The following UTRN variants were observed in gnomAD, a reference collection of about 807,000 sequenced individuals.
The protein encoded by UTRN is utrophin.
In UTRN, 283 loss-of-function variants were observed where a neutral mutation model predicts 463.9. The observed-to-expected ratio is 0.61, with a 90% CI of 0.55 to 0.67. UTRN has a LOEUF of 0.67. Ranked by LOEUF, UTRN falls within the 30% of genes least tolerant of loss-of-function variation. UTRN has a pLI of 0.00. For synonymous variants in UTRN, 1,442 were observed against 1,431.5 expected, an observed-to-expected ratio of 1.01 and a Z score of -0.17; for missense variants, 3,922 against 4,084.3, an observed-to-expected ratio of 0.96 and a Z score of 1.08.
chr6:144,827,730 T>C, intron 68 of UTRN, 54 bp downstream of exon 68: 1 of 1,557,756 alleles, frequency 6.4e-7, no homozygotes, highest in Non-Finnish European at 8.8e-7. Context: ...AATGTATCTA[T>C]GTCTAATTAA....
chr6:144,487,525 T>A (rs756605844), intron 28 of UTRN, 23 bp from the exon 29 acceptor site: 59 of 1,572,144 alleles, frequency 3.8e-5, no homozygotes, highest in Middle Eastern at 1.7e-4. Context: ...CATTATTATT[T>A]TTTTTTCCCA....
chr6:144,646,457 A>G (rs985159954), intron 51 of UTRN, among the ~76,000 whole-genome samples: 3 of 152,208 alleles, frequency 2.0e-5, no homozygotes, highest in Non-Finnish European at 4.4e-5. Context: ...AATTAGAATA[A>G]CAGAACAACA....
At chr6:144,722,044 C>G (rs1453319056) in intron 53 of UTRN, among the ~76,000 whole-genome samples, 2 of 152,150 alleles carry the variant, frequency 1.3e-5, no homozygotes, top group African/African-American at 2.4e-5. Flanking sequence ...AATGGCCAAG[C>G]CTTGAGCCAG....
At position 144,474,583 on chromosome 6, in the gene UTRN, A is replaced by G. The variant is rs372616095; in HGVS notation, c.3181-21A>G. 9.7e-5 allele frequency: 156 copies of G among 1,603,172 alleles called. 1 individual carries two copies. In the African/African-American group the frequency reaches 1.9e-3, roughly 19 times the overall value. The stretch of plus-strand genomic sequence containing the variant: ...CCACTTATATAGTAATGAACTCAAC[A>G]TGCATCTTTTATGTGTTTAGGCATT... On this transcript the variant is annotated intron_variant, in intron 24 of 74. Transcript: ENST00000367545.
chr6:144,757,700 G>T (rs1433302881), intron 57 of UTRN, among the ~76,000 whole-genome samples: 1 of 152,032 alleles, frequency 6.6e-6, no homozygotes. Context: ...TTATCAACAG[G>T]TTAGATTAGT....
At chr6:144,634,137 C>G (rs900655711) in intron 51 of UTRN, among the ~76,000 whole-genome samples, 2 of 152,216 alleles carry the variant, frequency 1.3e-5, no homozygotes, top group Non-Finnish European at 2.9e-5. Context: ...CATGGACAGT[C>G]CAGGCATGGG....
chr6:144,851,087 C>T lies in UTRN; in HGVS notation c.*90C>T, dbSNP rs1782453983. 1.9e-6 allele frequency: 3 copies of T among 1,562,952 alleles called. No homozygotes were observed. Among genetic ancestry groups the T allele is most frequent in the Non-Finnish European group, 1.8e-6 (2 of 1,133,878 alleles). On this transcript the variant is annotated 3_prime_UTR_variant, in exon 75 of 75. Transcript: ENST00000367545. ...TCCAAGTTCCATTAAATCAGAAGCTCCATGGCTCCTTGGCCCACGATGTTG... is the reference window on the plus strand; with the variant it reads ...TCCAAGTTCCATTAAATCAGAAGCTTCATGGCTCCTTGGCCCACGATGTTG...
chr6:144,561,238 TATATATATATATATATATATATACATAC>T (rs1254720802), intron 50 of UTRN, among the ~76,000 whole-genome samples: 19 of 77,210 alleles, frequency 2.5e-4, no homozygotes, highest in African/African-American at 7.0e-4. Context: ...TATATATATA[TATATATATATATATATATATATACATAC>T]ACACACACAC....
At chr6:144,517,098 A>G (rs1024873367) in intron 39 of UTRN, 150 bp downstream of exon 39, 1 of 646,582 alleles carries the variant, frequency 1.5e-6, no homozygotes, top group African/African-American at 1.9e-5. Context: ...ATGTGTTCAT[A>G]TTTTTGGATG....
intron 60 of UTRN, 120 bp from the exon 61 acceptor site, chr6:144,781,802 G>C: frequency 1.5e-6 from 1 of 680,562 alleles, no homozygotes; most frequent in Non-Finnish European, 2.4e-6. Context: ...AAAAAGGATA[G>C]ATTCTTAAAT....
At chr6:144,569,733 A>G (rs1448276876) in intron 50 of UTRN, among the ~76,000 whole-genome samples, 1 of 152,218 alleles carries the variant, frequency 6.6e-6, no homozygotes, top group African/African-American at 2.4e-5. Flanking sequence ...AGGAAGGCAG[A>G]AAAGTGTCCC....
intron 73 of UTRN, among the ~76,000 whole-genome samples, chr6:144,846,238 C>T (rs996521265): frequency 6.6e-6 from 1 of 152,210 alleles, no homozygotes; most frequent in Non-Finnish European, 1.5e-5. Context: ...ATTCTAACTT[C>T]TCCGTTGTTC....
intron 2 of UTRN, chr6:144,344,107 A>C (rs1191141145): frequency 3.5e-5 from 41 of 1,160,028 alleles, no homozygotes; most frequent in Non-Finnish European, 4.3e-5. Context: ...AAAAAAAAAA[A>C]AAACCCAAAA....
At chr6:144,594,077 G>A (rs1422902274) in intron 51 of UTRN, among the ~76,000 whole-genome samples, 3 of 152,084 alleles carry the variant, frequency 2.0e-5, no homozygotes, top group South Asian at 2.1e-4. Context: ...GTTGATGAGG[G>A]AATTACACAA....
intron 65 of UTRN, among the ~76,000 whole-genome samples, chr6:144,812,402 A>G (rs951006814): frequency 6.6e-5 from 10 of 152,124 alleles, no homozygotes; most frequent in Non-Finnish European, 1.0e-4. Flanking sequence ...TCTATACCTT[A>G]TCCTTGCTGC....
chr6:144,732,593 T>C (rs561419128), intron 54 of UTRN, among the ~76,000 whole-genome samples: 2 of 152,260 alleles, frequency 1.3e-5, no homozygotes, highest in East Asian at 1.9e-4. Context: ...TTCTTGACTT[T>C]CCATTGCATA....
intron 18 of UTRN, among the ~76,000 whole-genome samples, chr6:144,453,191 C>T (rs752383179): frequency 2.6e-5 from 4 of 151,972 alleles, no homozygotes; most frequent in East Asian, 1.9e-4. Context: ...GGTGCAATCT[C>T]GGCTCCCTGC....
At chr6:144,636,238 G>T (rs1174709393) in intron 51 of UTRN, among the ~76,000 whole-genome samples, 2 of 152,120 alleles carry the variant, frequency 1.3e-5, no homozygotes, top group Non-Finnish European at 2.9e-5. Context: ...CACGTCCCTT[G>T]CAAGGACATA....
intron 23 of UTRN, among the ~76,000 whole-genome samples, chr6:144,470,926 T>G (rs1790541951): frequency 6.6e-6 from 1 of 150,824 alleles, no homozygotes; most frequent in South Asian, 2.1e-4. Flanking sequence ...CTCGGCAGGC[T>G]GAGGCAGGAG....
Sources: allele counts gnomAD v4.1 joint callset (sites outside exome capture counted in the v4.1 genomes callset), GRCh38; gene constraint gnomAD v4.1.1; transcripts MANE v1.5; gene names NCBI Gene and HGNC (gene_info 2026-07-23, HGNC 2026-07-21).